Variants in NDEL1 observed in about 807,000 individuals in gnomAD.
NDEL1 encodes nudE neurodevelopment protein 1 like 1.
NDEL1 carries 9 observed loss-of-function variants against 45.7 expected under a neutral mutation model. The ratio of observed to expected loss-of-function variants is 0.20; its 90% CI spans 0.12 to 0.34. The LOEUF (loss-of-function observed/expected upper bound fraction) is 0.34. NDEL1 is among the 10% of genes least tolerant of loss of function. NDEL1 has a pLI of 1.00. For missense variants in NDEL1, 306 were observed against 406.2 expected (o/e 0.75, Z 2.12); for synonymous variants, 133 against 158.6 (o/e 0.84, Z 1.21).
At chr17:8,459,889 C>G in intron 7 of NDEL1, 120 bp from the exon 8 acceptor site, 1 of 990,404 alleles carries the variant, frequency 1.0e-6, no homozygotes, top group Non-Finnish European at 1.5e-6. Context: ...GCTGAACTAA[C>G]CACCATTATC....
At chr17:8,436,138 G>A in intron 1 of NDEL1, 93 bp downstream of exon 1, 1 of 263,774 alleles carries the variant, frequency 3.8e-6, no homozygotes, top group Non-Finnish European at 7.5e-6. Flanking sequence ...GCCCGGGGCC[G>A]TGTCTGAGGC....
chr17:8,466,907 C>G, intron 8 of NDEL1, 23 bp from the exon 9 acceptor site: 2 of 1,609,482 alleles, frequency 1.2e-6, no homozygotes, highest in Non-Finnish European at 1.7e-6. Flanking sequence ...TTCTTCCCTT[C>G]TGTGCTCTGG....
intron 3 of NDEL1, among the ~76,000 whole-genome samples, chr17:8,473,385 C>T (rs545514807): frequency 1.9e-3 from 293 of 152,248 alleles, no homozygotes; most frequent in Non-Finnish European, 3.6e-3. Context: ...CGGTGTTTCA[C>T]CATGTTGGCC....
upstream of NDEL1, chr17:8,431,431 A>T (rs1908996422): frequency 6.6e-6 from 1 of 152,256 alleles, no homozygotes; most frequent in African/African-American, 2.4e-5. Context: ...GGAAGCAATA[A>T]TCACAGCCTC....
chr17:8,447,919 T>C (rs935640168), intron 4 of NDEL1, among the ~76,000 whole-genome samples: 3 of 113,524 alleles, frequency 2.6e-5, no homozygotes, highest in African/African-American at 1.0e-4. Flanking sequence ...TAAAAAAAAG[T>C]GGGCAAGCTG....
chr17:8,464,563 TCTCTA>T (rs1334394233), intron 8 of NDEL1: 1 of 152,200 alleles, frequency 6.6e-6, no homozygotes, highest in Non-Finnish European at 1.5e-5. Context: ...TGATGTTCCC[TCTCTA>T]CTCCACCCAC....
intron 3 of NDEL1, among the ~76,000 whole-genome samples, chr17:8,473,466 C>A (rs1421193940): frequency 6.6e-6 from 1 of 152,180 alleles, no homozygotes; most frequent in African/African-American, 2.4e-5. Context: ...GGATTACAGG[C>A]GTGAGCACCA....
intron 1 of NDEL1, among the ~76,000 whole-genome samples, chr17:8,438,760 C>T (rs1909522179): frequency 6.6e-6 from 1 of 152,022 alleles, no homozygotes; most frequent in East Asian, 1.9e-4. Flanking sequence ...AACTGACATT[C>T]CCACCTCAGC....
chr17:8,435,277 G>A (rs907245423), upstream of NDEL1, among the ~76,000 whole-genome samples: 14 of 21,844 alleles, frequency 6.4e-4, no homozygotes, highest in African/African-American at 7.4e-4. Context: ...TTGTGCCAAC[G>A]AATCCATTCA....
intron 8 of NDEL1, chr17:8,464,969 C>T (rs1422740325): frequency 2.0e-5 from 3 of 152,308 alleles, no homozygotes; most frequent in Non-Finnish European, 4.4e-5. Flanking sequence ...TTTTGTACAC[C>T]CCCGTGGCCC....
chr17:8,469,868 T>TTTG (rs1911793490), downstream of NDEL1, among the ~76,000 whole-genome samples: 1 of 149,534 alleles, frequency 6.7e-6, no homozygotes, highest in African/African-American at 2.5e-5. Flanking sequence ...CTAATTTTTT[T>TTTG]TTTTTTTTTT....
In NDEL1 at chr17:8,450,949, G is replaced by A; in HGVS notation, c.696G>A (p.Pro232=). The change falls in exon 6 of 9, where the codon CCG becomes CCA. Residue 232 remains proline, a synonymous_variant. Coordinates refer to ENST00000334527, the MANE Select transcript of NDEL1 (RefSeq NM_030808.5). ...GAACGGAGAACACTTTTCCTTCACCGAAAGGTTTGTAATGTCTTTTCTTTT... is the reference window on the plus strand; with the variant it reads ...GAACGGAGAACACTTTTCCTTCACCAAAAGGTTTGTAATGTCTTTTCTTTT... ...GKGTENTFPS[P]KAIPNGFGTS... is the part of the protein sequence containing the mutation. 3.1e-6 allele frequency: 5 copies of A among 1,608,120 alleles called. No individual in the cohort carries two copies. The highest frequency in any genetic ancestry group is 2.2e-5 in the South Asian group (2 of 89,974).
At position 8,446,889 on chromosome 17, in the gene NDEL1, G is replaced by C. The variant is rs1910118479; in HGVS notation, c.376G>C (p.Glu126Gln). 6.2e-7 allele frequency: 1 copy of C among 1,613,878 alleles called. No homozygotes were observed. The highest frequency in any genetic ancestry group is 1.3e-5 in the African/African-American group (1 of 74,892). Reference sequence around the variant, plus strand: ...GCTGGAGCAGGCCAACGACGACCTGGAGCGAGCCAAAAGGTAAACGAATGA... The same window carrying C: ...GCTGGAGCAGGCCAACGACGACCTGCAGCGAGCCAAAAGGTAAACGAATGA... ...RELEQANDDL[E>Q]RAKRATIVSL... The change falls in exon 4 of 9, where the codon GAG becomes CAG. Residue 126 changes from glutamate to glutamine, a missense_variant. Around this residue, in one of 3 missense-constraint regions of NDEL1, gnomAD observed 112 missense variants for 148.3 expected, o/e 0.76. Coordinates refer to ENST00000334527, the MANE Select transcript of NDEL1 (RefSeq NM_030808.5).
intron 7 of NDEL1, among the ~76,000 whole-genome samples, chr17:8,457,733 G>A (rs1223707269): frequency 6.6e-6 from 1 of 152,034 alleles, no homozygotes; most frequent in African/African-American, 2.4e-5. Context: ...TGTCCCAGTG[G>A]TAAAAGTGCA....
intron 8 of NDEL1, chr17:8,463,413 G>T: frequency 6.6e-7 from 1 of 1,520,550 alleles, no homozygotes; most frequent in Non-Finnish European, 9.1e-7. Context: ...GTGTGTGGTG[G>T]AAGACACATT....
rs1474837253 is a variant in NDEL1, at chr17:8,435,971, G to A, written c.-87G>A. 1 of 447,420 alleles carries A rather than the reference G, an allele frequency of 2.2e-6. No homozygotes were observed. Among genetic ancestry groups the A allele is most frequent in the Non-Finnish European group, 4.5e-6 (1 of 223,562 alleles). The allele number at this position is 447,420 out of a possible 1,614,324, so 27.7% of individuals were successfully genotyped here. On this transcript the variant is annotated 5_prime_UTR_variant, in exon 1 of 9. Coordinates refer to ENST00000334527, the MANE Select transcript of NDEL1 (RefSeq NM_030808.5). ...GTAGGGGAGCTGAGCCGAGCGGCTG[G>A]GCGGGCCTGGCCGGGCCGGCGGAGG...
At chr17:8,449,667 T>G (rs1910341150) in intron 5 of NDEL1, among the ~76,000 whole-genome samples, 1 of 152,234 alleles carries the variant, frequency 6.6e-6, no homozygotes, top group Non-Finnish European at 1.5e-5. Context: ...TTTATTGCAT[T>G]TAGCATAATG....
At chr17:8,451,939 GAAATA>G (rs1460319332) in intron 6 of NDEL1, among the ~76,000 whole-genome samples, 1 of 152,160 alleles carries the variant, frequency 6.6e-6, no homozygotes, top group African/African-American at 2.4e-5. Flanking sequence ...ATATTAAAAT[GAAATA>G]AAATATAAAA....
Position 8,460,143 on chromosome 17 carries a change from A to G in NDEL1, c.927A>G (p.Thr309=), listed in dbSNP as rs778776935. ...NGTKFSRSGH[T]SFFDKGAVNG... is the part of the protein sequence containing the mutation. ...CAAAGTTCTCTCGATCAGGGCATAC[A>G]TCTTTCTTCGACAAAGGGTAAGTCC... The change falls in exon 8 of 9, where the codon ACA becomes ACG. Residue 309 remains threonine, a synonymous_variant. Transcript: ENST00000334527. The G allele has an allele frequency of 3.1e-6, 5 of 1,612,898 alleles. No homozygotes were observed. Among genetic ancestry groups the G allele is most frequent in the Admixed American group, 3.3e-5 (2 of 59,708 alleles).
Sources: allele counts gnomAD v4.1 joint callset (sites outside exome capture counted in the v4.1 genomes callset), GRCh38; gene constraint gnomAD v4.1.1; regional missense constraint gnomAD v4.1.1; transcripts MANE v1.5; gene names NCBI Gene and HGNC (gene_info 2026-07-23, HGNC 2026-07-21).